Variants in ATP1A4 observed in about 807,000 individuals in gnomAD.
The protein encoded by ATP1A4 is sodium/potassium-transporting ATPase subunit alpha-4.
ATP1A4 carries 90 observed loss-of-function variants against 114.3 expected under a neutral mutation model. The observed-to-expected ratio is 0.79, with a 90% CI of 0.66 to 0.94. The LOEUF (loss-of-function observed/expected upper bound fraction) is 0.94, where lower values mean the gene tolerates loss of function less well. Ranked by LOEUF, ATP1A4 falls within the 40% of genes least tolerant of loss-of-function variation. The pLI is 0.00. For synonymous variants in ATP1A4, 511 were observed against 494.1 expected (o/e 1.03, Z -0.45); for missense variants, 1,222 against 1,313.6 (o/e 0.93, Z 1.08).
Position 160,176,548 on chromosome 1 carries a change from A to T in ATP1A4, c.2536A>T (p.Lys846Ter). 6.2e-7 allele frequency: 1 copy of T among 1,614,176 alleles called. No homozygotes were observed. The highest frequency in any genetic ancestry group is 1.3e-5 in the African/African-American group (1 of 75,030). Residue 846 changes from lysine (K) to a stop codon, truncating the protein, a stop_gained, in exon 17 of 22, where the codon AAG (lysine) becomes TAG (stop). Coordinates refer to ENST00000368081, the MANE Select transcript of ATP1A4 (RefSeq NM_144699.4). LOFTEE classifies it high-confidence loss of function. Reference protein sequence around the residue: ...DIMKRLPRNPKTDNLVNHRLI... With the variant: ...DIMKRLPRNP Reference sequence around the variant, plus strand: ...CATGAAGAGGCTTCCAAGGAACCCAAAGACGGATAATCTGGTGAACCACCG... The same window carrying T: ...CATGAAGAGGCTTCCAAGGAACCCATAGACGGATAATCTGGTGAACCACCG...
intron 17 of ATP1A4, 76 bp from the exon 18 acceptor site, chr1:160,177,443 C>A: frequency 6.5e-7 from 1 of 1,539,946 alleles, no homozygotes; most frequent in Non-Finnish European, 8.9e-7. Context: ...TCCCAGCCCC[C>A]AGCCCTCCCC....
Position 160,176,496 on chromosome 1 carries a change from G to A in ATP1A4, c.2484G>A (p.Leu828=). The A allele has an allele frequency of 6.2e-7, 1 of 1,614,148 alleles. No individual in the cohort carries two copies. The highest frequency in any genetic ancestry group is 8.5e-7 in the Non-Finnish European group (1 of 1,180,024). The change falls in exon 17 of 22, where the codon TTG becomes TTA. Residue 828 remains leucine (L), a synonymous_variant. Coordinates refer to ENST00000368081, the MANE Select transcript of ATP1A4 (RefSeq NM_144699.4). Reference sequence around the variant, plus strand: ...TCCTCCAGGTCCCTGCCATCTCCTTGGCTTATGAGTCAGCTGAAAGCGACA... The same window carrying A: ...TCCTCCAGGTCCCTGCCATCTCCTTAGCTTATGAGTCAGCTGAAAGCGACA... ...LGTDMVPAIS[L]AYESAESDIM...
Position 160,186,727 on chromosome 1 carries a change from C to T in ATP1A4, c.*28C>T, listed in dbSNP as rs773629161. The T allele has an allele frequency of 6.2e-7, 1 of 1,606,580 alleles. No homozygotes were observed. On this transcript the variant is annotated 3_prime_UTR_variant, in exon 22 of 22. Transcript: ENST00000368081. ...TCAGCAGATGAAGAGCTTCATGTGA[C>T]ACAGGGGTGTTGTGAGAGCTGGGAT...
chr1:160,164,133 G>C (rs745396392), intron 6 of ATP1A4, 23 bp from the exon 7 acceptor site: 1 of 1,610,950 alleles, frequency 6.2e-7, no homozygotes, highest in Non-Finnish European at 8.5e-7. Flanking sequence ...ACATCACATT[G>C]CCCTCTCCTG....
intron 10 of ATP1A4, among the ~76,000 whole-genome samples, chr1:160,169,467 T>TGAGCTCTTTAAACC (rs1653159496): frequency 6.6e-6 from 1 of 152,232 alleles, no homozygotes; most frequent in Non-Finnish European, 1.5e-5. Context: ...CTCTTTAAAC[T>TGAGCTCTTTAAACC]TTTTCCAGCT....
chr1:160,181,555 CAAA>C (rs36029758), intron 18 of ATP1A4, 126 bp from the exon 19 acceptor site: 10,446 of 803,598 alleles, frequency 0.013, no homozygotes, highest in East Asian at 0.022. Context: ...GACTTAGTCT[CAAA>C]AAAAAAAAAA....
intron 12 of ATP1A4, among the ~76,000 whole-genome samples, chr1:160,171,972 G>T (rs919560869): frequency 6.6e-6 from 1 of 152,102 alleles, no homozygotes; most frequent in African/African-American, 2.4e-5. Context: ...TTTAAAAATC[G>T]GATGTCTAGG....
chr1:160,171,787 C>G (rs375009992), intron 12 of ATP1A4, 30 bp downstream of exon 12: 1 of 1,603,330 alleles, frequency 6.2e-7, no homozygotes, highest in Non-Finnish European at 8.5e-7. Context: ...AGGAGCCCCT[C>G]ACCTGTCACA....
At chr1:160,167,538 C>A in intron 10 of ATP1A4, 126 bp downstream of exon 10, 1 of 1,307,420 alleles carries the variant, frequency 7.6e-7, no homozygotes, top group South Asian at 1.3e-5. Flanking sequence ...GAACCTGCAT[C>A]CCAATTAACG....
rs1428250210 is a variant in ATP1A4 at position 160,177,695 on chromosome 1, A to T, written c.2736+31A>T. ...TAGAAGGGATAAGGTAGGAGCTGAGACCAGTAAGAGTGAGAGTGACAGGGG... is the reference window on the plus strand; with the variant it reads ...TAGAAGGGATAAGGTAGGAGCTGAGTCCAGTAAGAGTGAGAGTGACAGGGG... On this transcript the variant is annotated intron_variant, in intron 18 of 21. Transcript: ENST00000368081. 2.5e-6 allele frequency: 4 copies of T among 1,612,434 alleles called. No homozygotes were observed. The African/African-American group carries it at 5.3e-5, about 22-fold the overall frequency.
chr1:160,167,270 C>T lies in ATP1A4; in HGVS notation c.1357-8C>T. ...CTGGGGCTTACTATACAAACCCCAT[C>T]CTGGCAGAGGGCCACAACAGGTGAT... On this transcript the variant is annotated splice_region_variant and splice_polypyrimidine_tract_variant and intron_variant, in intron 9 of 21. Coordinates refer to ENST00000368081, the MANE Select transcript of ATP1A4 (RefSeq NM_144699.4). 1 of 1,598,102 alleles carries T rather than the reference C, an allele frequency of 6.3e-7. No homozygotes were observed. Among genetic ancestry groups the T allele is most frequent in the Non-Finnish European group, 8.5e-7 (1 of 1,173,402 alleles).
intron 17 of ATP1A4, among the ~76,000 whole-genome samples, chr1:160,177,085 G>A (rs1653494748): frequency 1.3e-5 from 2 of 152,232 alleles, no homozygotes; most frequent in South Asian, 4.1e-4. Context: ...ACTGTAGACA[G>A]AGATATCATT....
At chr1:160,164,550 C>A in intron 7 of ATP1A4, 126 bp downstream of exon 7, 1 of 1,022,192 alleles carries the variant, frequency 9.8e-7, no homozygotes, top group Non-Finnish European at 1.4e-6. Context: ...AAATAGGTAT[C>A]AGGAATAATT....
At position 160,166,561 on chromosome 1, in the gene ATP1A4, C is replaced by T. The variant is rs143083729; in HGVS notation, c.1081C>T (p.Arg361Trp). The change falls in exon 8 of 22, where the codon CGG becomes TGG. Residue 361 changes from arginine (R) to tryptophan (W), a missense_variant. Coordinates refer to ENST00000368081, the MANE Select transcript of ATP1A4 (RefSeq NM_144699.4). ...GACCCTCACAGCCAAGCGCATGGCG[C>T]GGAAGAACTGCCTGGTGAAGAACCT... ...CLTLTAKRMA[R>W]KNCLVKNLEA... 112 of 1,614,224 alleles carry T rather than the reference C, an allele frequency of 6.9e-5. No homozygotes were observed. In the African/African-American group the frequency reaches 8.3e-4, roughly 12 times the overall value.
chr1:160,154,576 C>T (rs1203674165), intron 2 of ATP1A4, among the ~76,000 whole-genome samples: 1 of 152,054 alleles, frequency 6.6e-6, no homozygotes, highest in Non-Finnish European at 1.5e-5. Flanking sequence ...TATAGTTGCC[C>T]TATTGTGCTA....
chr1:160,173,184 TG>T (rs1653329521), intron 12 of ATP1A4, among the ~76,000 whole-genome samples: 1 of 152,248 alleles, frequency 6.6e-6, no homozygotes, highest in Non-Finnish European at 1.5e-5. Context: ...TTCAATGCAC[TG>T]GGCCTTAGAT....
At position 160,166,514 on chromosome 1, in the gene ATP1A4, C is replaced by A. The variant is rs1264241461; in HGVS notation, c.1048-14C>A. On this transcript the variant is annotated splice_polypyrimidine_tract_variant and intron_variant, in intron 7 of 21. Transcript: ENST00000368081. The stretch of plus-strand genomic sequence containing the variant: ...ATCTCCCATGTGTATTCTCTCCTCT[C>A]TTCTTGGCTTTAGGTGTGCCTGACC... The A allele has an allele frequency of 6.2e-7, 1 of 1,614,130 alleles. No individual in the cohort carries two copies. Among genetic ancestry groups the A allele is most frequent in the African/African-American group, 1.3e-5 (1 of 75,060 alleles).
Position 160,174,246 on chromosome 1 carries a change from G to A in ATP1A4, c.2127G>A (p.Glu709=), listed in dbSNP as rs1159881179. Residue 709 remains glutamate, a synonymous_variant, in exon 14 of 22, where the codon GAG becomes GAA. Coordinates refer to ENST00000368081, the MANE Select transcript of ATP1A4 (RefSeq NM_144699.4). ...TSPQQKLIIV[E]GCQRLGAVVA... Reference sequence around the variant, plus strand: ...CTCAGCAGAAGCTCATCATTGTCGAGGGATGTCAGAGGCTGGTAAGGAACG... The same window carrying A: ...CTCAGCAGAAGCTCATCATTGTCGAAGGATGTCAGAGGCTGGTAAGGAACG... 6.2e-7 allele frequency: 1 copy of A among 1,614,084 alleles called. No individual in the cohort carries two copies.
At chr1:160,158,908 G>T (rs573161446) in intron 4 of ATP1A4, 94 bp from the exon 5 acceptor site, 1 of 1,371,026 alleles carries the variant, frequency 7.3e-7, no homozygotes, top group Non-Finnish European at 1.0e-6. Context: ...AGGGGAGTAA[G>T]GAGGAGGGAG....
Sources: allele counts gnomAD v4.1 joint callset (sites outside exome capture counted in the v4.1 genomes callset), GRCh38; gene constraint gnomAD v4.1.1; transcripts MANE v1.5; gene names NCBI Gene and HGNC (gene_info 2026-07-23, HGNC 2026-07-21).